The following PDE6C variants were observed in gnomAD, a reference collection of about 807,000 sequenced individuals.
PDE6C encodes cone cGMP-specific 3',5'-cyclic phosphodiesterase subunit alpha'.
In PDE6C, 75 loss-of-function variants were observed where a neutral mutation model predicts 113.1. The ratio of observed to expected loss-of-function variants is 0.66; its 90% CI spans 0.55 to 0.80. The LOEUF is 0.80. Ranked by LOEUF, PDE6C falls within the 30% of genes least tolerant of loss-of-function variation. The probability of loss-of-function intolerance (pLI) is 0.00; values close to 1 mark genes in which losing one functional copy is unlikely to be tolerated. For missense variants in PDE6C, 912 were observed against 1,038.6 expected (o/e 0.88, Z 1.67); for synonymous variants, 375 against 363.7 (o/e 1.03, Z -0.35).
chr10:93,636,384 G>GTGTGTA (rs1294974374), intron 10 of PDE6C, among the ~76,000 whole-genome samples: 7 of 149,220 alleles, frequency 4.7e-5, no homozygotes, highest in African/African-American at 1.8e-4. Context: ...GTGTGTGTGT[G>GTGTGTA]TGTGTGTGTG....
At chr10:93,654,555 G>A (rs958091530) in intron 15 of PDE6C, among the ~76,000 whole-genome samples, 1 of 152,098 alleles carries the variant, frequency 6.6e-6, no homozygotes, top group Non-Finnish European at 1.5e-5. Flanking sequence ...TATTGTTTTT[G>A]GCATTATGCT....
intron 15 of PDE6C, among the ~76,000 whole-genome samples, chr10:93,649,422 T>A (rs562064883): frequency 2.4e-4 from 37 of 152,298 alleles, no homozygotes; most frequent in African/African-American, 8.2e-4. Context: ...CTTCAAATCC[T>A]ACCATCCAGA....
intron 16 of PDE6C, among the ~76,000 whole-genome samples, chr10:93,656,430 A>G (rs72808863): frequency 0.04 from 6,154 of 152,226 alleles, 153 homozygotes; most frequent in Non-Finnish European, 0.063. Flanking sequence ...ACATTTTCTC[A>G]TAAGTGAACT....
At chr10:93,662,280 T>G in intron 19 of PDE6C, 147 bp downstream of exon 19, 7 of 702,742 alleles carry the variant, frequency 1.0e-5, no homozygotes, top group Non-Finnish European at 1.8e-5. Flanking sequence ...CTGACCAACA[T>G]GGTGTAACCC....
chr10:93,614,881 T>C (rs541793580), intron 1 of PDE6C, among the ~76,000 whole-genome samples: 32 of 152,296 alleles, frequency 2.1e-4, no homozygotes, highest in Non-Finnish European at 4.3e-4. Context: ...GAAATGTGTG[T>C]TGAAGACAGA....
chr10:93,634,409 G>C (rs2058517817), intron 8 of PDE6C, among the ~76,000 whole-genome samples: 1 of 152,168 alleles, frequency 6.6e-6, no homozygotes, highest in South Asian at 2.1e-4. Flanking sequence ...GAATAGTGTT[G>C]TATCTTGATT....
rs749592748 is a variant in PDE6C at position 93,636,969 on chromosome 10, A to C, written c.1414-26A>C. On this transcript the variant is annotated intron_variant, in intron 10 of 21. Coordinates refer to ENST00000371447, the MANE Select transcript of PDE6C (RefSeq NM_006204.4). ...GGAAATCTTCTCCTTTAGGAATTTC[A>C]CACCTCAATTGCTTTTACATTTTAG... The C allele has an allele frequency of 4.5e-5, 57 of 1,254,382 alleles. 1 individual carries two copies. In the Admixed American group the frequency reaches 9.6e-4, roughly 21 times the overall value. 77.7% of individuals were successfully genotyped at this position (1,254,382 alleles called of 1,614,324 possible). A position where few individuals can be genotyped will look rare whatever the true frequency, so the allele number is the denominator to read the frequency against.
At chr10:93,640,782 A>G (rs2058555813) in intron 13 of PDE6C, 138 bp from the exon 14 acceptor site, 1 of 711,900 alleles carries the variant, frequency 1.4e-6, no homozygotes, top group Non-Finnish European at 2.5e-6. Flanking sequence ...CACCCACAGT[A>G]CTACAATACT....
chr10:93,662,928 G>A, intron 20 of PDE6C, 100 bp from the exon 21 acceptor site: 1 of 1,052,372 alleles, frequency 9.5e-7, no homozygotes, highest in Non-Finnish European at 1.4e-6. Flanking sequence ...TAGCAGCTCT[G>A]AGTGCTGTAA....
chr10:93,648,018 A>G lies in PDE6C; in HGVS notation c.1935+1971A>G, dbSNP rs1168663883. Among the ~76,000 whole-genome samples the G allele has an allele frequency of 2.0e-5, 3 of 152,182 alleles. No homozygotes were observed. The East Asian group carries it at 5.8e-4, about 29-fold the overall frequency. On this transcript the variant is annotated intron_variant, in intron 15 of 21. Coordinates refer to ENST00000371447, the MANE Select transcript of PDE6C (RefSeq NM_006204.4). ...CCACAGTGAGGTAGCATCAAATGTC[A>G]TGTATCGCATAATCATACAGTCACC...
intron 10 of PDE6C, 149 bp from the exon 11 acceptor site, chr10:93,636,846 C>A: frequency 3.1e-6 from 2 of 639,892 alleles, no homozygotes; most frequent in Non-Finnish European, 5.7e-6. Context: ...TAGCTCACTG[C>A]ATCTTCCAAC....
At chr10:93,656,050 G>A (rs1257748178) in intron 16 of PDE6C, among the ~76,000 whole-genome samples, 190 bp downstream of exon 16, 1 of 152,092 alleles carries the variant, frequency 6.6e-6, no homozygotes, top group African/African-American at 2.4e-5. Context: ...CAAGACAGAT[G>A]CCTGCCAGTA....
At position 93,640,949 on chromosome 10, in the gene PDE6C, T is replaced by C. The variant is rs765970557; in HGVS notation, c.1767T>C (p.Asp589=). ...MTGRLKKYYT[D]LEAFAMLAAA... is the part of the protein sequence containing the mutation. Reference sequence around the variant, plus strand: ...GAAGATTAAAGAAGTACTACACAGATCTCGAAGCCTTTGCCATGCTTGCTG... The same window carrying C: ...GAAGATTAAAGAAGTACTACACAGACCTCGAAGCCTTTGCCATGCTTGCTG... Residue 589 remains aspartate, a synonymous_variant, in exon 14 of 22, where the codon GAT becomes GAC. Transcript: ENST00000371447. 1 of 1,611,838 alleles carries C rather than the reference T, an allele frequency of 6.2e-7. No homozygotes were observed. The highest frequency in any genetic ancestry group is 8.5e-7 in the Non-Finnish European group (1 of 1,177,966).
chr10:93,614,527 C>T (rs181234537), intron 1 of PDE6C, among the ~76,000 whole-genome samples: 3 of 152,328 alleles, frequency 2.0e-5, no homozygotes, highest in African/African-American at 7.2e-5. Flanking sequence ...AACTGGAAGG[C>T]AATGTCTGCA....
chr10:93,621,440 A>T (rs2058445738), intron 3 of PDE6C, among the ~76,000 whole-genome samples: 1 of 152,116 alleles, frequency 6.6e-6, no homozygotes, highest in Non-Finnish European at 1.5e-5. Context: ...GGTCTGGCCC[A>T]CTCTCTGGAC....
In PDE6C at chr10:93,616,079, C is replaced by T. The variant is rs539177450; in HGVS notation, c.480+2874C>T. Among the ~76,000 whole-genome samples, 88 of 152,204 alleles carry T rather than the reference C, an allele frequency of 5.8e-4. 1 individual carries two copies. The highest frequency in any genetic ancestry group is 1.1e-3 in the Non-Finnish European group (73 of 68,046). ...AAATGAAATATCTGATTAATTCTTCCTCTTTTCATTGCACTTGACAATTTA... is the reference window on the plus strand; with the variant it reads ...AAATGAAATATCTGATTAATTCTTCTTCTTTTCATTGCACTTGACAATTTA... On this transcript the variant is annotated intron_variant, in intron 1 of 21. Transcript: ENST00000371447.
chr10:93,620,915 G>T lies in PDE6C; in HGVS notation c.658G>T (p.Val220Leu). The T allele has an allele frequency of 6.2e-7, 1 of 1,614,026 alleles. No homozygotes were observed. The highest frequency in any genetic ancestry group is 8.5e-7 in the Non-Finnish European group (1 of 1,179,972). Residue 220 changes from valine to leucine, a missense_variant, in exon 3 of 22, where the codon GTG becomes TTG. Coordinates refer to ENST00000371447, the MANE Select transcript of PDE6C (RefSeq NM_006204.4). ...EEVFSKYLNF[V>L]SIILRLHHTS... ...GGTCTTTTCCAAATACCTCAACTTT[G>T]TGTCTATCATCCTAAGGCTTCATCA...
At chr10:93,643,738 G>A in intron 14 of PDE6C, among the ~76,000 whole-genome samples, 1 of 149,456 alleles carries the variant, frequency 6.7e-6, no homozygotes, top group South Asian at 2.1e-4. Context: ...TGAGTCAGCT[G>A]CAATACTAGA....
chr10:93,662,492 G>T, intron 19 of PDE6C, 68 bp from the exon 20 acceptor site: 2 of 709,612 alleles, frequency 2.8e-6, no homozygotes, highest in Non-Finnish European at 5.1e-6. Flanking sequence ...AAAGTTATCA[G>T]GACAAATCAG....
Sources: gnomAD v4.1 joint callset for allele counts (sites outside exome capture counted in the v4.1 genomes callset) on GRCh38, gnomAD v4.1.1 for gene constraint, MANE v1.5 for transcripts, NCBI Gene and HGNC (gene_info 2026-07-23, HGNC 2026-07-21) for gene names.